DIS3L2: variants seen among roughly 807,000 people sequenced by gnomAD.
DIS3L2 encodes DIS3-like exonuclease 2.
Under a neutral mutation model 97.5 loss-of-function variants are expected in DIS3L2, and 34 were observed. That is an observed-to-expected ratio of 0.35 (90% confidence interval 0.27 to 0.46). The LOEUF is 0.46. Ranked by LOEUF, DIS3L2 falls within the 20% of genes least tolerant of loss-of-function variation. The pLI, the probability that DIS3L2 is intolerant of heterozygous loss-of-function variation, is 1.00. For missense variants in DIS3L2, 1,038 were observed against 1,146.0 expected (o/e 0.91, Z 1.36); for synonymous variants, 435 against 445.2 (o/e 0.98, Z 0.29).
intron 4 of DIS3L2, among the ~76,000 whole-genome samples, chr2:232,026,236 A>C (rs1206322540): frequency 6.6e-6 from 1 of 152,180 alleles, no homozygotes; most frequent in Non-Finnish European, 1.5e-5. Context: ...ACCACCATCA[A>C]GTAAAATATA....
chr2:232,134,985 G>A (rs1043326643), intron 7 of DIS3L2, among the ~76,000 whole-genome samples: 4 of 152,152 alleles, frequency 2.6e-5, no homozygotes, highest in African/African-American at 9.7e-5. Flanking sequence ...AAGTCTTGAT[G>A]TGGTGAAAAA....
intron 1 of DIS3L2, among the ~76,000 whole-genome samples, chr2:232,014,349 G>C (rs944857233): frequency 6.6e-6 from 1 of 152,226 alleles, no homozygotes; most frequent in Non-Finnish European, 1.5e-5. Flanking sequence ...TTGTGACAAT[G>C]AATTAGGTTT....
intron 8 of DIS3L2, 124 bp from the exon 9 acceptor site, chr2:232,163,335 G>A (rs1281147022): frequency 1.1e-6 from 1 of 898,584 alleles, no homozygotes; most frequent in Admixed American, 2.9e-5. Flanking sequence ...GGATGATCAT[G>A]TTTCTACTGG....
At chr2:232,063,550 A>T (rs1695772711) in intron 5 of DIS3L2, among the ~76,000 whole-genome samples, 1 of 152,174 alleles carries the variant, frequency 6.6e-6, no homozygotes, top group African/African-American at 2.4e-5. Flanking sequence ...TTCTGCAAAC[A>T]TGCCTACTTC....
intron 9 of DIS3L2, among the ~76,000 whole-genome samples, chr2:232,182,134 T>C (rs1691300900): frequency 6.6e-6 from 1 of 152,238 alleles, no homozygotes; most frequent in Non-Finnish European, 1.5e-5. Context: ...GGTTGTATTT[T>C]GTTTTCATTT....
At chr2:232,329,789 T>TTA in intron 14 of DIS3L2, 24 bp from the exon 15 acceptor site, 9 of 368,606 alleles carry the variant, frequency 2.4e-5, no homozygotes, top group Middle Eastern at 8.3e-4. Flanking sequence ...CAGCGGTCCC[T>TTA]CCCATCCCAC....
chr2:232,039,414 TCTTTG>T (rs1183930454), intron 5 of DIS3L2, among the ~76,000 whole-genome samples: 2 of 152,194 alleles, frequency 1.3e-5, no homozygotes, highest in Non-Finnish European at 2.9e-5. Context: ...GGATTATTCA[TCTTTG>T]CTTCTTTCTG....
chr2:232,164,761 C>T (rs934465878), intron 9 of DIS3L2, among the ~76,000 whole-genome samples: 1 of 152,154 alleles, frequency 6.6e-6, no homozygotes, highest in African/African-American at 2.4e-5. Flanking sequence ...TATTGCATTG[C>T]TGGATTTTCA....
intron 6 of DIS3L2, among the ~76,000 whole-genome samples, chr2:232,096,839 A>C (rs1697031181): frequency 6.6e-6 from 1 of 151,832 alleles, no homozygotes; most frequent in Non-Finnish European, 1.5e-5. Context: ...ATTATCTTGA[A>C]TTTCTTTGAG....
chr2:232,258,346 A>C (rs1232613889), intron 12 of DIS3L2, among the ~76,000 whole-genome samples: 1 of 152,150 alleles, frequency 6.6e-6, no homozygotes, highest in Admixed American at 6.5e-5. Flanking sequence ...GCACTTTGGG[A>C]GGCCAAAGCG....
chr2:232,024,361 T>A (rs377110632), intron 4 of DIS3L2, 31 bp downstream of exon 4: 5 of 1,527,368 alleles, frequency 3.3e-6, no homozygotes, highest in Admixed American at 3.7e-5. Flanking sequence ...ATAAACTTTA[T>A]GTCACATTTA....
chr2:232,108,402 A>G (rs992840195), intron 6 of DIS3L2, among the ~76,000 whole-genome samples: 1 of 152,210 alleles, frequency 6.6e-6, no homozygotes, highest in African/African-American at 2.4e-5. Flanking sequence ...ATTTATGACA[A>G]ACCCATAGCT....
intron 12 of DIS3L2, chr2:232,260,564 T>C (rs925752301): frequency 2.0e-5 from 3 of 152,234 alleles, no homozygotes; most frequent in Non-Finnish European, 2.9e-5. Context: ...CCTTATATCT[T>C]TGGATAGTGG....
chr2:232,003,311 C>T (rs1693959430), intron 1 of DIS3L2, among the ~76,000 whole-genome samples: 1 of 152,098 alleles, frequency 6.6e-6, no homozygotes, highest in Non-Finnish European at 1.5e-5. Flanking sequence ...TCCATATCAT[C>T]CTCTGTTTCA....
intron 1 of DIS3L2, among the ~76,000 whole-genome samples, chr2:231,982,868 C>T (rs1444424749): frequency 1.3e-5 from 2 of 151,898 alleles, no homozygotes; most frequent in Admixed American, 6.6e-5. Flanking sequence ...TTAGTAGAGA[C>T]GAGGTTTCTC....
intron 11 of DIS3L2, among the ~76,000 whole-genome samples, chr2:232,246,500 T>G (rs964039953): frequency 6.6e-6 from 1 of 152,204 alleles, no homozygotes; most frequent in African/African-American, 2.4e-5. Flanking sequence ...TTGGATACCG[T>G]GGGCTGGCCA....
chr2:232,197,764 T>A (rs1204558848), intron 9 of DIS3L2, among the ~76,000 whole-genome samples: 3 of 151,966 alleles, frequency 2.0e-5, no homozygotes, highest in African/African-American at 7.3e-5. Context: ...GTCATGAGAT[T>A]GAGACCATCC....
At chr2:232,049,925 G>A (rs1257463948) in intron 5 of DIS3L2, among the ~76,000 whole-genome samples, 1 of 152,158 alleles carries the variant, frequency 6.6e-6, no homozygotes, top group African/African-American at 2.4e-5. Flanking sequence ...TCCTTATTTT[G>A]TGCAGACTTT....
chr2:232,172,580 G>A, intron 9 of DIS3L2: 1 of 437,732 alleles, frequency 2.3e-6, no homozygotes, highest in Non-Finnish European at 4.9e-6. Context: ...TGACTATTAT[G>A]AATAATGCTG....
Sources: allele counts gnomAD v4.1 joint callset (sites outside exome capture counted in the v4.1 genomes callset), GRCh38; gene constraint gnomAD v4.1.1; transcripts MANE v1.5; gene names NCBI Gene and HGNC (gene_info 2026-07-23, HGNC 2026-07-21).